Variants in PRKG1 observed in about 807,000 individuals in gnomAD.
The protein encoded by PRKG1 is cGMP-dependent protein kinase 1.
A neutral mutation model predicts 88.1 loss-of-function variants in PRKG1; 35 were observed. That is an observed-to-expected ratio of 0.40 (90% CI 0.30 to 0.53). The LOEUF is 0.53. PRKG1 is among the 20% of genes least tolerant of loss of function. The probability of loss-of-function intolerance (pLI) is 0.59; values close to 1 mark genes in which losing one functional copy is unlikely to be tolerated. For missense variants in PRKG1, 540 were observed against 839.8 expected (o/e 0.64, Z 4.41); for synonymous variants, 303 against 292.5 (o/e 1.04, Z -0.37).
chr10:51,468,599 A>G (rs554541124), intron 3 of PRKG1, among the ~76,000 whole-genome samples: 43 of 151,974 alleles, frequency 2.8e-4, no homozygotes, highest in African/African-American at 1.0e-3. Context: ...TCAACAATGT[A>G]AGGTTCATTG....
chr10:51,487,797 A>G (rs368874096), intron 3 of PRKG1, among the ~76,000 whole-genome samples: 5 of 152,216 alleles, frequency 3.3e-5, no homozygotes, highest in African/African-American at 9.6e-5. Context: ...AAGTACTGCA[A>G]TTGGAAACAC....
intron 1 of PRKG1, among the ~76,000 whole-genome samples, chr10:51,109,899 A>C (rs1427372518): frequency 2.6e-5 from 4 of 152,130 alleles, no homozygotes; most frequent in Non-Finnish European, 1.5e-5. Context: ...AAAAAGAACA[A>C]CTAAAAAAAT....
rs5784909 is a variant in PRKG1, at chr10:52,164,364, GTAAATAAA to G, written c.1076+2422_1076+2429del. ...AAAACTCTGTCTCAAAAATAAGTAA[GTAAATAAA>G]TAAATAAATAAATAAATAAAGTATA... On this transcript the variant is annotated intron_variant, in intron 9 of 17. Transcript: ENST00000373980. 8.5e-3 allele frequency among the ~76,000 whole-genome samples: 1,270 copies of G among 149,000 alleles called. 12 individuals carry two copies. Among genetic ancestry groups the G allele is most frequent in the African/African-American group, 0.028 (1,148 of 40,392 alleles).
At chr10:51,275,893 A>G (rs1048589277) in intron 2 of PRKG1, among the ~76,000 whole-genome samples, 1 of 152,202 alleles carries the variant, frequency 6.6e-6, no homozygotes, top group Non-Finnish European at 1.5e-5. Flanking sequence ...TATTTTAATC[A>G]GAGGAAGCAG....
chr10:51,562,142 T>TGAGCCCAGGAGGAG (rs1270432808), intron 3 of PRKG1, among the ~76,000 whole-genome samples: 1 of 151,670 alleles, frequency 6.6e-6, no homozygotes, highest in Non-Finnish European at 1.5e-5. Context: ...GAGAATCGCT[T>TGAGCCCAGGAGGAG]GAGCCCAGGA....
At chr10:52,014,866 T>G (rs1403254829) in intron 5 of PRKG1, among the ~76,000 whole-genome samples, 4 of 152,224 alleles carry the variant, frequency 2.6e-5, no homozygotes, top group African/African-American at 9.6e-5. Context: ...TAATCTCCTT[T>G]GACTCCATGT....
intron 10 of PRKG1, among the ~76,000 whole-genome samples, chr10:52,263,871 T>G (rs539198232): frequency 4.9e-4 from 75 of 152,174 alleles, no homozygotes; most frequent in African/African-American, 1.6e-3. Context: ...ATACCTGGCC[T>G]GTCATCTACT....
intron 3 of PRKG1, among the ~76,000 whole-genome samples, chr10:51,571,568 G>A (rs1029614192): frequency 1.3e-5 from 2 of 151,848 alleles, no homozygotes; most frequent in African/African-American, 4.8e-5. Context: ...TTTAAGAGAA[G>A]CAGGAAGAAG....
intron 10 of PRKG1, among the ~76,000 whole-genome samples, chr10:52,259,398 T>A (rs1160688231): frequency 4.0e-5 from 6 of 151,356 alleles, no homozygotes; most frequent in Admixed American, 6.6e-5. Flanking sequence ...TCCCTTTGTA[T>A]GTCTTAATTA....
chr10:51,594,190 A>AT (rs564324209), intron 3 of PRKG1, among the ~76,000 whole-genome samples: 96 of 151,876 alleles, frequency 6.3e-4, no homozygotes, highest in Non-Finnish European at 6.2e-4. Flanking sequence ...TGCCCATCTA[A>AT]TTTTTTAATT....
chr10:51,355,593 G>A (rs191183607), intron 2 of PRKG1, among the ~76,000 whole-genome samples: 5 of 151,956 alleles, frequency 3.3e-5, no homozygotes, highest in East Asian at 1.9e-4. Context: ...TGTAACCATC[G>A]CGATAACTTA....
chr10:51,284,323 A>G (rs1231997305), intron 2 of PRKG1, among the ~76,000 whole-genome samples: 2 of 152,216 alleles, frequency 1.3e-5, no homozygotes, highest in Non-Finnish European at 2.9e-5. Flanking sequence ...CACATTGTAA[A>G]GACATTATTA....
chr10:51,349,260 T>C (rs1268236501), intron 2 of PRKG1, among the ~76,000 whole-genome samples: 1 of 152,134 alleles, frequency 6.6e-6, no homozygotes, highest in Non-Finnish European at 1.5e-5. Context: ...GTTTCTTCCA[T>C]GTAGTGAAAT....
chr10:51,221,876 C>CTT lies in PRKG1; in HGVS notation c.478+68562_478+68563dup, dbSNP rs11405552. Among the ~76,000 whole-genome samples, 275 of 127,136 alleles carry CTT rather than the reference C, an allele frequency of 2.2e-3. 2 individuals are homozygous for CTT. The highest frequency in any genetic ancestry group is 6.0e-3 in the South Asian group (24 of 4,018). The allele number at this position is 127,136 out of a possible 152,430, so 83.4% of individuals were successfully genotyped here. ...TTTGTTTCATATTTTTCTTTTCTTT[C>CTT]TTTTTTTTTTTTTTTTTGAGAGGGA... On this transcript the variant is annotated intron_variant, in intron 2 of 17. Transcript: ENST00000373980.
chr10:51,814,422 G>A (rs1589312165), intron 4 of PRKG1, among the ~76,000 whole-genome samples: 1 of 146,854 alleles, frequency 6.8e-6, no homozygotes, highest in East Asian at 2.0e-4. Context: ...ACAATTTGGG[G>A]GCTGTTAGAA....
chr10:51,406,962 C>T (rs1166504742), intron 2 of PRKG1, among the ~76,000 whole-genome samples: 3 of 152,122 alleles, frequency 2.0e-5, no homozygotes, highest in Non-Finnish European at 2.9e-5. Flanking sequence ...ACTTGGAGTT[C>T]GACGTTTGAG....
chr10:51,894,737 A>G (rs1202297262), intron 4 of PRKG1, among the ~76,000 whole-genome samples: 3 of 152,220 alleles, frequency 2.0e-5, no homozygotes, highest in Non-Finnish European at 2.9e-5. Context: ...GAAAGTTCAT[A>G]GTTAGATATA....
intron 7 of PRKG1, among the ~76,000 whole-genome samples, chr10:52,105,222 C>T (rs1165375090): frequency 6.6e-6 from 1 of 151,690 alleles, no homozygotes; most frequent in African/African-American, 2.4e-5. Context: ...GGAAGAAACA[C>T]ATATATGGGT....
intron 2 of PRKG1, among the ~76,000 whole-genome samples, chr10:51,349,326 T>C (rs537248991): frequency 6.6e-6 from 1 of 152,278 alleles, no homozygotes; most frequent in African/African-American, 2.4e-5. Context: ...TTATATCATC[T>C]CTGACCTAAT....
Sources: allele counts gnomAD v4.1 joint callset (sites outside exome capture counted in the v4.1 genomes callset), GRCh38; gene constraint gnomAD v4.1.1; transcripts MANE v1.5; gene names NCBI Gene and HGNC (gene_info 2026-07-23, HGNC 2026-07-21).